Variants in PES1 observed in about 807,000 individuals in gnomAD.
PES1 encodes pescadillo homolog.
A neutral mutation model predicts 77.1 loss-of-function variants in PES1; 31 were observed. The observed-to-expected ratio is 0.40, with a 90% CI of 0.30 to 0.54. PES1 has a LOEUF of 0.54. Among genes scored for constraint, PES1 ranks in the 20% least tolerant of loss-of-function variants. The probability of loss-of-function intolerance (pLI) is 0.45; values close to 1 mark genes in which losing one functional copy is unlikely to be tolerated. For missense variants in PES1, 658 were observed against 771.7 expected (o/e 0.85, Z 1.75); for synonymous variants, 282 against 303.0 (o/e 0.93, Z 0.72).
chr22:30,579,546 GTTC>G, intron 12 of PES1: 1 of 695,558 alleles, frequency 1.4e-6, no homozygotes, highest in Non-Finnish European at 2.4e-6. Context: ...AATGCAGCAT[GTTC>G]TTCTGCTCAG....
upstream of PES1, among the ~76,000 whole-genome samples, chr22:30,594,412 A>C (rs1309952735): frequency 6.6e-6 from 1 of 152,024 alleles, no homozygotes; most frequent in African/African-American, 2.4e-5. Context: ...CCCAGCTACC[A>C]GCGAGGCCAA....
chr22:30,588,103 G>A lies in PES1; in HGVS notation c.176C>T (p.Thr59Ile). ...KHKKKVNKGS[T>I]AARTFYLIKD... ...GATAAGGTAAAACGTTCGGGCTGCTGTAGAACCCTTGTTAACCTTCTTCTT... is the reference window on the plus strand; with the variant it reads ...GATAAGGTAAAACGTTCGGGCTGCTATAGAACCCTTGTTAACCTTCTTCTT... The change falls in exon 3 of 15, where the codon ACA becomes ATA. Residue 59 changes from threonine (T) to isoleucine (I), a missense_variant. Physicochemically the swap from Thr to Ile is moderately conservative, Grantham distance 89 (BLOSUM62 -1). Transcript: ENST00000354694. The A allele has an allele frequency of 6.2e-7, 1 of 1,614,204 alleles. No homozygotes were observed. The highest frequency in any genetic ancestry group is 1.1e-5 in the South Asian group (1 of 91,090).
chr22:30,592,026 A>G, upstream of PES1: 1 of 1,366,348 alleles, frequency 7.3e-7, no homozygotes, highest in Non-Finnish European at 9.4e-7. Context: ...CTATAGTCTG[A>G]AAAAAATCAC....
chr22:30,585,964 C>G (rs1449168885), intron 4 of PES1, among the ~76,000 whole-genome samples: 1 of 152,204 alleles, frequency 6.6e-6, no homozygotes, highest in Non-Finnish European at 1.5e-5. Context: ...CCTCAACTGG[C>G]CCCCTCTGGT....
intron 2 of PES1, among the ~76,000 whole-genome samples, chr22:30,597,980 T>G (rs1221691046): frequency 6.8e-6 from 1 of 146,544 alleles, no homozygotes; most frequent in Admixed American, 7.0e-5. Flanking sequence ...GCTTCCCGGG[T>G]TCACGCCATT....
Position 30,579,274 on chromosome 22 carries a change from C to T in PES1, c.1384G>A (p.Glu462Lys), listed in dbSNP as rs1274403803. The T allele has an allele frequency of 2.5e-6, 4 of 1,601,344 alleles. No individual in the cohort carries two copies. The South Asian group carries it at 4.4e-5, about 18-fold the overall frequency. ...TCACCTTCGTTGTTGTCGTCCTCTT[C>T]CTCCTCCTCTTCTGACTCATTCAGG... is the stretch of plus-strand genomic sequence containing the variant. ...GNLNESEEEE[E>K]EDDNNEGDGD... The change falls in exon 13 of 15, where the codon GAA (glutamate) becomes AAA (lysine). Residue 462 changes from glutamate (E) to lysine (K), a missense_variant. Coordinates refer to ENST00000354694, the MANE Select transcript of PES1 (RefSeq NM_014303.4).
chr22:30,595,538 C>CAAA (rs377364940), upstream of PES1, among the ~76,000 whole-genome samples: 10 of 80,690 alleles, frequency 1.2e-4, no homozygotes, highest in South Asian at 5.0e-4. Flanking sequence ...GACAGTGTCT[C>CAAA]AAAAAAAAAA....
At chr22:30,591,694 A>C in intron 1 of PES1, 116 bp downstream of exon 1, 1 of 1,187,302 alleles carries the variant, frequency 8.4e-7, no homozygotes, top group South Asian at 1.5e-5. Context: ...GATTACGGTC[A>C]CGTCGATCCC....
chr22:30,584,662 A>G lies in PES1; in HGVS notation c.424T>C (p.Phe142Leu). 1.9e-6 allele frequency: 3 copies of G among 1,613,966 alleles called. No individual in the cohort carries two copies. Among genetic ancestry groups the G allele is most frequent in the Non-Finnish European group, 1.7e-6 (2 of 1,180,012 alleles). The change falls in exon 5 of 15, where the codon TTC (phenylalanine) becomes CTC (leucine). Residue 142 changes from phenylalanine (F) to leucine (L), a missense_variant. Transcript: ENST00000354694. ...RDLDDALSMC[F>L]LFSTFPRTGK... ...GTCCGCGGGAAGGTGGAAAACAGGA[A>G]GCACATGGAGAGGGCATCGTCCAGG...
At chr22:30,577,279 G>T in intron 14 of PES1, 150 bp from the exon 15 acceptor site, 1 of 672,248 alleles carries the variant, frequency 1.5e-6, no homozygotes, top group Non-Finnish European at 2.7e-6. Context: ...CCACTTCATG[G>T]TGAGAAAACA....
At chr22:30,606,974 G>C (rs2087460401) in exon 1 of PES1, 2 of 841,332 alleles carry the variant, frequency 2.4e-6, no homozygotes, top group Non-Finnish European at 3.1e-6. Flanking sequence ...AGACTTGACA[G>C]ATCAGGCATC....
chr22:30,591,672 C>A lies in PES1; in HGVS notation c.24+138G>T, dbSNP rs1441758927. On this transcript the variant is annotated intron_variant, in intron 1 of 14. Coordinates refer to ENST00000354694, the MANE Select transcript of PES1 (RefSeq NM_014303.4). ...GCCATCCTTGTCCATTCTCGGACCCCTTCTCGCAGCTGATTACGGTCACGT... is the reference window on the plus strand; with the variant it reads ...GCCATCCTTGTCCATTCTCGGACCCATTCTCGCAGCTGATTACGGTCACGT... 7 of 932,104 alleles carry A rather than the reference C, an allele frequency of 7.5e-6. No individual in the cohort carries two copies. The African/African-American group carries it at 1.0e-4, about 13-fold the overall frequency. 57.7% of individuals were successfully genotyped at this position (932,104 alleles called of 1,614,324 possible).
At chr22:30,584,805 C>T (rs1231973392) in intron 4 of PES1, 88 bp from the exon 5 acceptor site, 16 of 1,390,624 alleles carry the variant, frequency 1.2e-5, no homozygotes, top group East Asian at 2.4e-5. Context: ...CCAGATGCCC[C>T]GTTCCTCAAG....
At position 30,602,215 on chromosome 22, in the gene PES1, A is replaced by G. The variant is rs182995088; in HGVS notation, c.-661+3246T>C. ...AGGTGGTTTCCCCCATGCTGTTCTC[A>G]TGATAGAGAGGGAGTTCTCACAAGA... is the stretch of plus-strand genomic sequence containing the variant. On this transcript the variant is annotated intron_variant, in intron 2 of 16. Coordinates refer to the PES1 transcript ENST00000402281. Among the ~76,000 whole-genome samples, 21 of 152,158 alleles carry G rather than the reference A, an allele frequency of 1.4e-4. No individual in the cohort carries two copies. The East Asian group carries it at 4.1e-3, about 29-fold the overall frequency.
intron 2 of PES1, 52 bp from the exon 3 acceptor site, chr22:30,588,226 G>T (rs949354716): frequency 4.3e-6 from 7 of 1,610,272 alleles, no homozygotes; most frequent in Non-Finnish European, 5.9e-6. Context: ...AAGGTGGGGA[G>T]CACTGGCCAC....
At position 30,598,912 on chromosome 22, in the gene PES1, T is replaced by TTTTTTTTTTTTTTTTTTA. The variant is rs761643665; in HGVS notation, c.-660-6515_-660-6514insTAAAAAAAAAAAAAAAAA. Among the ~76,000 whole-genome samples, 2 of 116,414 alleles carry TTTTTTTTTTTTTTTTTTA rather than the reference T, an allele frequency of 1.7e-5. 1 individual carries two copies. The highest frequency in any genetic ancestry group is 6.8e-5 in the African/African-American group (2 of 29,342). The allele number at this position is 116,414 out of a possible 152,430, so 76.4% of individuals were successfully genotyped here. On this transcript the variant is annotated intron_variant, in intron 2 of 16. Transcript: ENST00000402281. ...TTTTTTTTTTTTTTTTTTTTTTTTT[T>TTTTTTTTTTTTTTTTTTA]TTGAGATGGAGTCCTGCTCTGTCAT...
chr22:30,588,487 G>C (rs1030586232), intron 2 of PES1, among the ~76,000 whole-genome samples: 1 of 152,180 alleles, frequency 6.6e-6, no homozygotes, highest in Non-Finnish European at 1.5e-5. Context: ...GAATAAAAGT[G>C]GACCAGGTGG....
In PES1 at chr22:30,580,455, G is replaced by C. The variant is rs532419417; in HGVS notation, c.1043+116C>G. The stretch of plus-strand genomic sequence containing the variant: ...CGGTGCCGAGCACTTTCCACACACT[G>C]TTTCATAAGAAGTGGAAACTGACAC... On this transcript the variant is annotated intron_variant, in intron 10 of 14. Transcript: ENST00000354694. 350 of 1,394,824 alleles carry C rather than the reference G, an allele frequency of 2.5e-4. 1 individual carries two copies. The South Asian group carries it at 4.1e-3, about 16-fold the overall frequency. The allele number at this position is 1,394,824 out of a possible 1,614,324, so 86.4% of individuals were successfully genotyped here.
intron 6 of PES1, among the ~76,000 whole-genome samples, chr22:30,582,376 G>A (rs2087001577): frequency 6.6e-6 from 1 of 152,224 alleles, no homozygotes; most frequent in Non-Finnish European, 1.5e-5. Flanking sequence ...AGCCCCCAGG[G>A]AGCTCTTGGG....
Sources: gnomAD v4.1 joint callset for allele counts (sites outside exome capture counted in the v4.1 genomes callset) on GRCh38, gnomAD v4.1.1 for gene constraint, MANE v1.5 for transcripts, NCBI Gene and HGNC (gene_info 2026-07-23, HGNC 2026-07-21) for gene names.